Variants in ST8SIA6 observed in about 807,000 individuals in gnomAD.
ST8SIA6 encodes the protein ST8 alpha-N-acetyl-neuraminide alpha-2,8-sialyltransferase 6, also known as alpha-2,8-sialyltransferase 8F.
Under a neutral mutation model 33.6 loss-of-function variants are expected in ST8SIA6, and 39 were observed. The observed-to-expected ratio is 1.16, with a 90% CI of 0.90 to 1.52. The LOEUF (loss-of-function observed/expected upper bound fraction) is 1.52. ST8SIA6 is among the 40% of genes most tolerant of loss of function. The probability of loss-of-function intolerance (pLI) is 0.00; values close to 1 mark genes in which losing one functional copy is unlikely to be tolerated. For missense variants in ST8SIA6, 441 were observed against 443.8 expected (o/e 0.99, Z 0.06); for synonymous variants, 172 against 167.2 (o/e 1.03, Z -0.22).
rs369045207 is a variant in ST8SIA6 at position 17,327,162 on chromosome 10, C to T, written c.523-36G>A. On this transcript the variant is annotated intron_variant, in intron 5 of 7. Coordinates refer to ENST00000377602, the MANE Select transcript of ST8SIA6 (RefSeq NM_001004470.3). ...AAAGTGGAAAACTACCATGAAATAC[C>T]GTTAATTTTAGAACCATAGACAACA... The T allele has an allele frequency of 9.3e-5, 140 of 1,501,984 alleles. No homozygotes were observed. The African/African-American group carries it at 1.5e-3, about 16-fold the overall frequency. The allele number at this position is 1,501,984 out of a possible 1,614,324, so 93.0% of individuals were successfully genotyped here.
chr10:17,399,301 AT>A (rs1369706133), intron 2 of ST8SIA6: 1 of 152,192 alleles, frequency 6.6e-6, no homozygotes, highest in Non-Finnish European at 1.5e-5. Flanking sequence ...CACAATTACC[AT>A]CTGAGCTTGC....
intron 2 of ST8SIA6, among the ~76,000 whole-genome samples, chr10:17,395,469 C>G (rs1199828794): frequency 1.3e-5 from 2 of 152,078 alleles, no homozygotes; most frequent in African/African-American, 4.8e-5. Context: ...CAGGCAAACT[C>G]TAAGAACCAA....
intron 3 of ST8SIA6, among the ~76,000 whole-genome samples, chr10:17,375,510 G>A (rs1849884123): frequency 6.6e-6 from 1 of 152,198 alleles, no homozygotes; most frequent in South Asian, 2.1e-4. Context: ...CTCCCGAGTA[G>A]CAACTTTATG....
intron 4 of ST8SIA6, among the ~76,000 whole-genome samples, chr10:17,343,979 A>G (rs904180365): frequency 3.3e-5 from 5 of 152,192 alleles, no homozygotes; most frequent in African/African-American, 1.2e-4. Flanking sequence ...CGCTATTATC[A>G]TCCCTGTTGT....
At chr10:17,436,150 T>G (rs2131727774) in intron 2 of ST8SIA6, among the ~76,000 whole-genome samples, 1 of 152,306 alleles carries the variant, frequency 6.6e-6, no homozygotes, top group Non-Finnish European at 1.5e-5. Context: ...TCCCAAAACC[T>G]TCTATCGTGC....
At chr10:17,384,259 C>CAAGAG (rs60953485) in intron 3 of ST8SIA6, among the ~76,000 whole-genome samples, 48,200 of 151,724 alleles carry the variant, frequency 0.32, 8,253 homozygotes, top group East Asian at 0.64. Flanking sequence ...CTTGGAACCT[C>CAAGAG]GAGAGGAAAT....
chr10:17,404,986 C>G (rs1851200422), intron 2 of ST8SIA6, among the ~76,000 whole-genome samples: 1 of 152,132 alleles, frequency 6.6e-6, no homozygotes, highest in African/African-American at 2.4e-5. Flanking sequence ...GGCAACTCTC[C>G]CTCTCCCACA....
At chr10:17,394,267 A>G (rs1179152485) in intron 2 of ST8SIA6, among the ~76,000 whole-genome samples, 1 of 152,014 alleles carries the variant, frequency 6.6e-6, no homozygotes, top group Non-Finnish European at 1.5e-5. Context: ...CTTGGGGACC[A>G]AACAGGGTCT....
intron 4 of ST8SIA6, among the ~76,000 whole-genome samples, chr10:17,349,935 A>AAC (rs72378605): frequency 0.015 from 2,295 of 151,310 alleles, 27 homozygotes; most frequent in Non-Finnish European, 0.023. Flanking sequence ...AAATTAAATA[A>AAC]ACACACACAC....
At chr10:17,368,396 A>T (rs560002612) in intron 3 of ST8SIA6, among the ~76,000 whole-genome samples, 1 of 133,760 alleles carries the variant, frequency 7.5e-6, no homozygotes, top group South Asian at 2.4e-4. Flanking sequence ...AACAAGAGTG[A>T]AGCTCTGTCT....
intron 2 of ST8SIA6, among the ~76,000 whole-genome samples, chr10:17,429,914 A>T (rs573736997): frequency 1.9e-4 from 29 of 151,992 alleles, no homozygotes; most frequent in Non-Finnish European, 3.4e-4. Flanking sequence ...TTTTTATTTC[A>T]ATAGTTTTTG....
chr10:17,351,528 C>T lies in ST8SIA6; in HGVS notation c.377+7986G>A, dbSNP rs78078908. On this transcript the variant is annotated intron_variant, in intron 4 of 7. Transcript: ENST00000377602. The stretch of plus-strand genomic sequence containing the variant: ...ACTCCTAGGGCCCCACATAACATGA[C>T]AGCTAAAGAAAGAAAATGAATAAAT... Among the ~76,000 whole-genome samples, 62 of 146,546 alleles carry T rather than the reference C, an allele frequency of 4.2e-4. No individual in the cohort carries two copies. The East Asian group carries it at 0.012, about 28-fold the overall frequency.
chr10:17,378,930 T>C (rs1170258013), intron 3 of ST8SIA6, among the ~76,000 whole-genome samples: 4 of 151,936 alleles, frequency 2.6e-5, no homozygotes, highest in East Asian at 1.9e-4. Flanking sequence ...ATCAAGACCA[T>C]CCTGGCTAAC....
intron 3 of ST8SIA6, among the ~76,000 whole-genome samples, chr10:17,366,390 G>T (rs998563114): frequency 2.1e-4 from 32 of 151,726 alleles, no homozygotes; most frequent in African/African-American, 7.7e-4. Flanking sequence ...CACAGCCCCA[G>T]TGAAATCTCC....
At chr10:17,425,583 C>T (rs774828966) in intron 2 of ST8SIA6, among the ~76,000 whole-genome samples, 6 of 122,462 alleles carry the variant, frequency 4.9e-5, no homozygotes, top group Admixed American at 9.6e-5. Context: ...GAGGAAAGAA[C>T]GAAAGGAAGG....
intron 4 of ST8SIA6, among the ~76,000 whole-genome samples, chr10:17,340,201 C>G (rs747226154): frequency 9.2e-5 from 14 of 152,110 alleles, no homozygotes; most frequent in Non-Finnish European, 1.6e-4. Context: ...GTCTCCTTGC[C>G]CCTAGTTTCC....
At chr10:17,331,629 C>G in intron 4 of ST8SIA6, 77 bp from the exon 5 acceptor site, 1 of 1,409,080 alleles carries the variant, frequency 7.1e-7, no homozygotes, top group Middle Eastern at 1.9e-4. Flanking sequence ...ATGGACAATG[C>G]CGAAGAGGAT....
chr10:17,429,018 G>A (rs1018755204), intron 2 of ST8SIA6, among the ~76,000 whole-genome samples: 2 of 151,974 alleles, frequency 1.3e-5, no homozygotes, highest in African/African-American at 4.8e-5. Context: ...GGGGATTCAT[G>A]ATGATATTAG....
intron 2 of ST8SIA6, among the ~76,000 whole-genome samples, chr10:17,393,967 A>T (rs1173812756): frequency 6.6e-6 from 1 of 152,052 alleles, no homozygotes; most frequent in Non-Finnish European, 1.5e-5. Flanking sequence ...CTGTCCAAGG[A>T]TTTGTTTATT....
Sources: allele counts gnomAD v4.1 joint callset (sites outside exome capture counted in the v4.1 genomes callset), GRCh38; gene constraint gnomAD v4.1.1; transcripts MANE v1.5; gene names NCBI Gene and HGNC (gene_info 2026-07-23, HGNC 2026-07-21).